HYAL4: variants seen among roughly 807,000 people sequenced by gnomAD.
The protein encoded by HYAL4 is hyaluronidase-4.
A neutral mutation model predicts 35.2 loss-of-function variants in HYAL4; 37 were observed. That is an observed-to-expected ratio of 1.05 (90% CI 0.81 to 1.38). The LOEUF is 1.38. Ranked by LOEUF, HYAL4 falls within the 40% of genes most tolerant of loss-of-function variation. The pLI, the probability that HYAL4 is intolerant of heterozygous loss-of-function variation, is 0.00. For missense variants in HYAL4, 572 were observed against 572.4 expected, an observed-to-expected ratio of 1.00 and a Z score of 0.01; for synonymous variants, 198 against 203.2, an observed-to-expected ratio of 0.97 and a Z score of 0.22.
the HYAL4 span, among the ~76,000 whole-genome samples, chr7:123,813,762 T>C: frequency 6.6e-6 from 1 of 152,212 alleles, no homozygotes; most frequent in Non-Finnish European, 1.5e-5. Context: ...AGTCACTTTG[T>C]AAGTAATCAA....
At chr7:123,871,774 G>T (rs1028788386) in intron 3 of HYAL4, among the ~76,000 whole-genome samples, 1 of 152,082 alleles carries the variant, frequency 6.6e-6, no homozygotes, top group Admixed American at 6.5e-5. Context: ...ATGAAAACTT[G>T]AAGCTCTACA....
the HYAL4 span, among the ~76,000 whole-genome samples, chr7:123,779,995 A>G: frequency 5.9e-5 from 9 of 152,238 alleles, no homozygotes; most frequent in African/African-American, 2.2e-4. Context: ...GTAATACAGT[A>G]TATGTTGCTT....
the HYAL4 span, among the ~76,000 whole-genome samples, chr7:123,796,765 T>C: frequency 6.6e-6 from 1 of 152,188 alleles, no homozygotes; most frequent in Non-Finnish European, 1.5e-5. Flanking sequence ...TGAAAAAGAA[T>C]GAAGTGCCAA....
At chr7:123,823,332 G>A in the HYAL4 span, among the ~76,000 whole-genome samples, 2 of 152,092 alleles carry the variant, frequency 1.3e-5, no homozygotes, top group African/African-American at 4.8e-5. Flanking sequence ...TACTTTTAAT[G>A]TGCTATTGAA....
the HYAL4 span, among the ~76,000 whole-genome samples, chr7:123,787,988 C>T: frequency 1.3e-5 from 2 of 152,064 alleles, no homozygotes; most frequent in East Asian, 1.9e-4. Context: ...AATGGGTCTT[C>T]GGCACTCAAC....
At chr7:123,863,841 T>G (rs180991485) in intron 2 of HYAL4, among the ~76,000 whole-genome samples, 5 of 152,288 alleles carry the variant, frequency 3.3e-5, no homozygotes, top group Admixed American at 2.0e-4. Context: ...TTTTTTTTCT[T>G]TTAATTTATC....
chr7:123,782,418 T>C, the HYAL4 span, among the ~76,000 whole-genome samples: 4 of 152,178 alleles, frequency 2.6e-5, no homozygotes. Flanking sequence ...CAAGTAATCT[T>C]CCTCTTGATA....
chr7:123,843,987 A>AC (rs994535600), upstream of HYAL4, among the ~76,000 whole-genome samples: 3 of 151,896 alleles, frequency 2.0e-5, no homozygotes, highest in African/African-American at 7.2e-5. Context: ...ACCTTCTGAA[A>AC]CCTACTTCTG....
At chr7:123,776,132 G>A in the HYAL4 span, among the ~76,000 whole-genome samples, 1 of 152,068 alleles carries the variant, frequency 6.6e-6, no homozygotes, top group Non-Finnish European at 1.5e-5. Flanking sequence ...CTGCTTATAC[G>A]GCAAAGATCT....
chr7:123,825,044 A>C (rs1211934702), upstream of HYAL4, among the ~76,000 whole-genome samples: 2 of 152,104 alleles, frequency 1.3e-5, no homozygotes, highest in Non-Finnish European at 2.9e-5. Context: ...GGAGATGGGT[A>C]AATGTCTCTA....
chr7:123,875,261 T>G (rs1164855550), intron 4 of HYAL4, among the ~76,000 whole-genome samples: 1 of 152,192 alleles, frequency 6.6e-6, no homozygotes, highest in Non-Finnish European at 1.5e-5. Flanking sequence ...CTATAGAAAA[T>G]GTGTTATATA....
chr7:123,828,805 A>G (rs552091847), upstream of HYAL4, among the ~76,000 whole-genome samples: 14 of 152,312 alleles, frequency 9.2e-5, no homozygotes, highest in African/African-American at 2.6e-4. Context: ...ACATGACCCT[A>G]TAAAGGCTTA....
chr7:123,840,628 A>G (rs145583809), upstream of HYAL4, among the ~76,000 whole-genome samples: 3,210 of 151,952 alleles, frequency 0.021, 110 homozygotes, highest in African/African-American at 0.073. Context: ...AGCATGGAAT[A>G]TTCTTCCATT....
At chr7:123,846,922 A>C (rs1231929231) in intron 1 of HYAL4, among the ~76,000 whole-genome samples, 1 of 152,092 alleles carries the variant, frequency 6.6e-6, no homozygotes, top group Non-Finnish European at 1.5e-5. Flanking sequence ...CAGGTTCCCC[A>C]TTGAGGGTGT....
intron 2 of HYAL4, among the ~76,000 whole-genome samples, chr7:123,859,445 C>T (rs1806532809): frequency 6.6e-6 from 1 of 152,100 alleles, no homozygotes; most frequent in African/African-American, 2.4e-5. Context: ...CCTCCTAAAC[C>T]ATTAACCACT....
chr7:123,852,936 TGAA>T (rs1806345389), intron 2 of HYAL4, among the ~76,000 whole-genome samples: 1 of 152,212 alleles, frequency 6.6e-6, no homozygotes, highest in African/African-American at 2.4e-5. Context: ...TAGTTCTCCT[TGAA>T]GAGGTCCTTC....
intron 2 of HYAL4, among the ~76,000 whole-genome samples, chr7:123,851,098 G>A (rs909411192): frequency 6.6e-6 from 1 of 152,162 alleles, no homozygotes; most frequent in African/African-American, 2.4e-5. Context: ...ATGTAGGAAC[G>A]CAACTTACTT....
the HYAL4 span, among the ~76,000 whole-genome samples, chr7:123,784,902 C>T: frequency 0.066 from 10,017 of 152,056 alleles, 420 homozygotes; most frequent in East Asian, 0.11. Flanking sequence ...AGCTGTGTGA[C>T]CTCTAGAACT....
intron 1 of HYAL4, chr7:123,829,292 GCTC>G (rs1805845582): frequency 1.3e-5 from 2 of 152,092 alleles, no homozygotes; most frequent in Admixed American, 1.3e-4. Context: ...GATGAATAAG[GCTC>G]CTACTATTAA....
Sources: allele counts gnomAD v4.1 joint callset (sites outside exome capture counted in the v4.1 genomes callset), GRCh38; gene constraint gnomAD v4.1.1; transcripts MANE v1.5; gene names NCBI Gene and HGNC (gene_info 2026-07-23, HGNC 2026-07-21).